The following SORCS2 variants were observed in gnomAD, a reference collection of about 807,000 sequenced individuals.
SORCS2 encodes VPS10 domain-containing receptor SorCS2.
A neutral mutation model predicts 141.6 loss-of-function variants in SORCS2; 100 were observed. The ratio of observed to expected loss-of-function variants is 0.71; its 90% CI spans 0.60 to 0.83. SORCS2 has a LOEUF of 0.83. SORCS2 is among the 40% of genes least tolerant of loss of function. SORCS2 has a pLI of 0.00. For missense variants in SORCS2, 1,646 were observed against 1,560.2 expected (o/e 1.05, Z -0.93); for synonymous variants, 789 against 676.9 (o/e 1.17, Z -2.57).
intron 1 of SORCS2, among the ~76,000 whole-genome samples, chr4:7,228,774 T>TGCTGGGTG (rs1711588376): frequency 6.6e-6 from 1 of 152,352 alleles, no homozygotes; most frequent in African/African-American, 2.4e-5. Context: ...CACAGGCATG[T>TGCTGGGTG]GCTGGGTGGC....
intron 1 of SORCS2, among the ~76,000 whole-genome samples, chr4:7,299,803 G>A (rs576822280): frequency 2.6e-4 from 40 of 152,322 alleles, no homozygotes; most frequent in South Asian, 6.2e-4. Flanking sequence ...GCTCTGCAAC[G>A]GACCCCTGAG....
chr4:7,566,346 G>GTGA lies in SORCS2; in HGVS notation c.648+34733_648+34735dup, dbSNP rs921746604. ...GTGATGGTGATGATGTGATGATGAG[G>GTGA]TGATGATGATGATGATGACTCTGCT... On this transcript the variant is annotated intron_variant, in intron 3 of 26. Transcript: ENST00000507866. Among the ~76,000 whole-genome samples, 5 of 152,124 alleles carry GTGA rather than the reference G, an allele frequency of 3.3e-5. No individual in the cohort carries two copies. In the East Asian group the frequency reaches 7.7e-4, roughly 24 times the overall value.
intron 23 of SORCS2, among the ~76,000 whole-genome samples, chr4:7,732,010 T>C (rs1711730217): frequency 6.6e-6 from 1 of 152,156 alleles, no homozygotes. Flanking sequence ...AGTGAAGAGA[T>C]GGCCCACAGA....
chr4:7,518,209 A>ACC (rs1733107004), intron 2 of SORCS2, among the ~76,000 whole-genome samples: 1 of 152,226 alleles, frequency 6.6e-6, no homozygotes, highest in African/African-American at 2.4e-5. Flanking sequence ...ACATTAGCGT[A>ACC]TCAGGAAGGG....
In SORCS2 at chr4:7,192,925, C is replaced by T; in HGVS notation, c.279C>T (p.Ala93=). The T allele has an allele frequency of 8.0e-7, 1 of 1,251,022 alleles. No individual in the cohort carries two copies. Among genetic ancestry groups the T allele is most frequent in the Non-Finnish European group, 1.0e-6 (1 of 1,000,526 alleles). 77.5% of individuals were successfully genotyped at this position (1,251,022 alleles called of 1,614,324 possible). A position where few individuals can be genotyped will look rare whatever the true frequency, so the allele number is the denominator to read the frequency against. Residue 93 remains alanine, a synonymous_variant, in exon 1 of 27, where the codon GCC becomes GCT. Transcript: ENST00000507866. The surrounding 1 kb of genome is among the most constrained non-coding windows in gnomAD (Gnocchi z 4.0). ...AGGCGCGCGGCACGGAGCCAGGCGC[C>T]CCGGGTCCGAGTCCCGGTCCCGCTC... ...DRQARGTEPG[A]PGPSPGPAPG...
intron 1 of SORCS2, among the ~76,000 whole-genome samples, chr4:7,306,953 A>C (rs777496414): frequency 6.6e-6 from 1 of 152,174 alleles, no homozygotes; most frequent in Non-Finnish European, 1.5e-5. Context: ...TTGACAAAGA[A>C]GGGTCTCCCC....
At chr4:7,669,846 C>G (rs904234389) in intron 8 of SORCS2, among the ~76,000 whole-genome samples, 1 of 152,202 alleles carries the variant, frequency 6.6e-6, no homozygotes, top group Non-Finnish European at 1.5e-5. Context: ...TCACAGGACA[C>G]TATAGCATGA....
intron 2 of SORCS2, among the ~76,000 whole-genome samples, chr4:7,478,417 A>C (rs1730431964): frequency 6.7e-6 from 1 of 148,274 alleles, no homozygotes; most frequent in African/African-American, 2.5e-5. Context: ...CGCCACCCCC[A>C]CCGTCCCCAC....
At chr4:7,344,521 C>G (rs892752985) in intron 1 of SORCS2, among the ~76,000 whole-genome samples, 3 of 152,248 alleles carry the variant, frequency 2.0e-5, no homozygotes, top group Non-Finnish European at 4.4e-5. Context: ...GTGAGACCCA[C>G]TGGAGGGCAA....
chr4:7,613,787 C>T (rs1718575087), intron 3 of SORCS2, among the ~76,000 whole-genome samples: 2 of 152,064 alleles, frequency 1.3e-5, no homozygotes, highest in Admixed American at 6.5e-5. Flanking sequence ...CACCCATCTA[C>T]CATGTGTCTA....
rs183337865 is a variant in SORCS2 at position 7,389,109 on chromosome 4, G to A, written c.481-7179G>A. 1.5e-3 allele frequency among the ~76,000 whole-genome samples: 234 copies of A among 152,200 alleles called. 1 individual carries two copies. The highest frequency in any genetic ancestry group is 2.5e-3 in the Non-Finnish European group (169 of 68,012). ...AGTGCGTGTGGAGGTCTTGGAAAGC[G>A]GCTTGTTGGTGAACAAATTCTGTTC... On this transcript the variant is annotated intron_variant, in intron 1 of 26. Coordinates refer to ENST00000507866, the MANE Select transcript of SORCS2 (RefSeq NM_020777.3).
intron 1 of SORCS2, among the ~76,000 whole-genome samples, chr4:7,277,783 C>T (rs1382874396): frequency 6.6e-6 from 1 of 152,176 alleles, no homozygotes; most frequent in East Asian, 1.9e-4. Context: ...CGTCCTCCTG[C>T]AGAGCGCTGG....
chr4:7,564,527 G>A (rs1313877151), intron 3 of SORCS2, among the ~76,000 whole-genome samples: 1 of 152,238 alleles, frequency 6.6e-6, no homozygotes, highest in African/African-American at 2.4e-5. Flanking sequence ...CTGAGGGAGT[G>A]GAGGTTACAA....
At chr4:7,294,548 G>T (rs1450696132) in intron 1 of SORCS2, among the ~76,000 whole-genome samples, 1 of 151,326 alleles carries the variant, frequency 6.6e-6, no homozygotes, top group Non-Finnish European at 1.5e-5. Flanking sequence ...TGCCCCAGGG[G>T]TGCAGGGGGT....
chr4:7,376,634 C>T (rs1346510844), intron 1 of SORCS2, among the ~76,000 whole-genome samples: 1 of 152,216 alleles, frequency 6.6e-6, no homozygotes. Context: ...TCATTATTTT[C>T]TCACTCAGGC....
intron 1 of SORCS2, among the ~76,000 whole-genome samples, chr4:7,318,843 T>A (rs1718721957): frequency 6.6e-6 from 1 of 152,156 alleles, no homozygotes; most frequent in Non-Finnish European, 1.5e-5. Flanking sequence ...AGATATAGAA[T>A]AATTTTATCA....
chr4:7,688,263 G>T (rs956380859), intron 10 of SORCS2, among the ~76,000 whole-genome samples: 5 of 152,170 alleles, frequency 3.3e-5, no homozygotes, highest in Non-Finnish European at 5.9e-5. Context: ...GAGCGGGTCA[G>T]CAGGCCTCAC....
At chr4:7,604,276 G>A (rs1042681820) in intron 3 of SORCS2, among the ~76,000 whole-genome samples, 5 of 152,308 alleles carry the variant, frequency 3.3e-5, no homozygotes, top group East Asian at 1.9e-4. Context: ...TGCTGTTCTC[G>A]TGGTAGTGAG....
At chr4:7,597,774 C>T (rs1201515777) in intron 3 of SORCS2, among the ~76,000 whole-genome samples, 3 of 151,922 alleles carry the variant, frequency 2.0e-5, no homozygotes, top group African/African-American at 7.3e-5. Flanking sequence ...ACATTGAGAT[C>T]TATAAGCAGC....
Sources: gnomAD v4.1 joint callset for allele counts (sites outside exome capture counted in the v4.1 genomes callset) on GRCh38, gnomAD v4.1.1 for gene constraint, Gnocchi (gnomAD v3.1) non-coding constraint, MANE v1.5 for transcripts, NCBI Gene and HGNC (gene_info 2026-07-23, HGNC 2026-07-21) for gene names.